ADAMTS2: variants seen among roughly 807,000 people sequenced by gnomAD.
ADAMTS2 encodes ADAM metallopeptidase with thrombospondin type 1 motif 2.
A neutral mutation model predicts 123.0 loss-of-function variants in ADAMTS2; 50 were observed. The ratio of observed to expected loss-of-function variants is 0.41; its 90% CI spans 0.32 to 0.51. The LOEUF (loss-of-function observed/expected upper bound fraction) is 0.51, where lower values mean the gene tolerates loss of function less well. Ranked by LOEUF, ADAMTS2 falls within the 20% of genes least tolerant of loss-of-function variation. The pLI is 0.35. For missense variants in ADAMTS2, 1,494 were observed against 1,705.2 expected (o/e 0.88, Z 2.18); for synonymous variants, 678 against 695.4 (o/e 0.98, Z 0.39).
chr5:179,292,211 G>C (rs961054158), intron 2 of ADAMTS2, among the ~76,000 whole-genome samples: 5 of 151,890 alleles, frequency 3.3e-5, no homozygotes, highest in Non-Finnish European at 7.4e-5. Context: ...GCGGAGTCAG[G>C]AGAAATGCCA....
chr5:179,243,753 T>C (rs916898310), intron 3 of ADAMTS2, among the ~76,000 whole-genome samples: 2 of 152,122 alleles, frequency 1.3e-5, no homozygotes, highest in Admixed American at 1.3e-4. Context: ...AAAGCAGCCA[T>C]TGGAAATATG....
chr5:179,285,061 G>C lies in ADAMTS2; in HGVS notation c.535-11997C>G, dbSNP rs138412810. On this transcript the variant is annotated intron_variant, in intron 2 of 21. Transcript: ENST00000251582. This position sits in a 1 kb window ranked among gnomAD's most constrained non-coding sequence, Gnocchi z 4.9. ...ATGTGAGGGCTAAGCGAGATACTGCGTCTCTAGCACTGGGCACAGCACGTG... is the reference window on the plus strand; with the variant it reads ...ATGTGAGGGCTAAGCGAGATACTGCCTCTCTAGCACTGGGCACAGCACGTG... 2.0e-5 allele frequency among the ~76,000 whole-genome samples: 3 copies of C among 152,096 alleles called. No individual in the cohort carries two copies.
intron 13 of ADAMTS2, among the ~76,000 whole-genome samples, chr5:179,134,717 A>G (rs1354013664): frequency 1.4e-5 from 2 of 147,692 alleles, no homozygotes; most frequent in African/African-American, 4.9e-5. Flanking sequence ...GCCCTCGAGC[A>G]CCCTCCCGGC....
intron 15 of ADAMTS2, among the ~76,000 whole-genome samples, chr5:179,131,456 G>C (rs1762960435): frequency 6.6e-6 from 1 of 152,142 alleles, no homozygotes. Context: ...GTGGGTGCTG[G>C]TCCACGGCAG....
chr5:179,186,656 A>G (rs530702800), intron 4 of ADAMTS2, among the ~76,000 whole-genome samples: 8 of 152,228 alleles, frequency 5.3e-5, no homozygotes, highest in African/African-American at 1.9e-4. Flanking sequence ...GTAAGGACAC[A>G]GCGGCAACAT....
At chr5:179,119,851 G>A (rs780777234) in intron 21 of ADAMTS2, among the ~76,000 whole-genome samples, 21 of 152,136 alleles carry the variant, frequency 1.4e-4, no homozygotes, top group African/African-American at 4.6e-4. Flanking sequence ...AACCCATCTC[G>A]GGCCCTTTTC....
At chr5:179,223,638 A>G (rs1036586211) in intron 3 of ADAMTS2, among the ~76,000 whole-genome samples, 11 of 85,210 alleles carry the variant, frequency 1.3e-4, no homozygotes, top group South Asian at 3.5e-4. Context: ...ACATGAATGC[A>G]CACACACATA....
At chr5:179,294,433 C>T (rs111849414) in intron 2 of ADAMTS2, among the ~76,000 whole-genome samples, 1,818 of 152,330 alleles carry the variant, frequency 0.012, 21 homozygotes, top group Middle Eastern at 0.031. Flanking sequence ...AAGCTCTGTC[C>T]AGGCTCCGAG....
intron 21 of ADAMTS2, among the ~76,000 whole-genome samples, chr5:179,116,503 G>A (rs748844585): frequency 5.3e-5 from 8 of 152,252 alleles, no homozygotes; most frequent in Admixed American, 1.3e-4. Flanking sequence ...TGCAGCACAC[G>A]GTCTCAGCAG....
At chr5:179,324,975 G>A (rs2113599580) in intron 2 of ADAMTS2, among the ~76,000 whole-genome samples, 1 of 152,304 alleles carries the variant, frequency 6.6e-6, no homozygotes. Context: ...GAGGCCCAAG[G>A]AGTCTCAGCT....
At chr5:179,339,532 C>T (rs1757709666) in intron 2 of ADAMTS2, among the ~76,000 whole-genome samples, 1 of 152,216 alleles carries the variant, frequency 6.6e-6, no homozygotes, top group Non-Finnish European at 1.5e-5. Flanking sequence ...GTCACTTAAA[C>T]TGAGCAAGTC....
At chr5:179,343,744 G>C in intron 2 of ADAMTS2, 23 bp downstream of exon 2, 1 of 1,605,908 alleles carries the variant, frequency 6.2e-7, no homozygotes, top group South Asian at 1.1e-5. Context: ...GGAGAGAAAG[G>C]AGCTAGAGAA....
intron 3 of ADAMTS2, among the ~76,000 whole-genome samples, chr5:179,247,597 C>T (rs1194387649): frequency 6.6e-6 from 1 of 152,036 alleles, no homozygotes; most frequent in Non-Finnish European, 1.5e-5. Flanking sequence ...TGTCAAAAGA[C>T]AAAGACAAAA....
At chr5:179,171,166 T>C (rs1054946471) in intron 5 of ADAMTS2, among the ~76,000 whole-genome samples, 4 of 152,196 alleles carry the variant, frequency 2.6e-5, no homozygotes, top group African/African-American at 9.7e-5. Context: ...TATTGGTCTG[T>C]GATGGGTTTG....
chr5:179,339,759 C>T (rs1031880490), intron 2 of ADAMTS2, among the ~76,000 whole-genome samples: 1 of 152,216 alleles, frequency 6.6e-6, no homozygotes, highest in Admixed American at 6.5e-5. Flanking sequence ...ACCCTACCAG[C>T]GGCAGCTGCA....
At chr5:179,322,489 C>T (rs1757213769) in intron 2 of ADAMTS2, among the ~76,000 whole-genome samples, 3 of 152,238 alleles carry the variant, frequency 2.0e-5, no homozygotes. Context: ...AGGACAAACC[C>T]TGAGCCACGC....
In ADAMTS2 at chr5:179,158,057, C is replaced by T. The variant is rs151085877; in HGVS notation, c.1132+666G>A. 0.022 allele frequency among the ~76,000 whole-genome samples: 3,380 copies of T among 151,954 alleles called. 66 individuals carry two copies. The highest frequency in any genetic ancestry group is 0.061 in the Middle Eastern group (18 of 294). ...TCGACTCATTGCAAACTCCGCCTCC[C>T]GGGTTCACACCATTCTCCTGCCTCA... On this transcript the variant is annotated intron_variant, in intron 6 of 21. Transcript: ENST00000251582. The surrounding 1 kb of genome is among the most constrained non-coding windows in gnomAD (Gnocchi z 5.0).
chr5:179,339,211 C>G (rs1427605344), intron 2 of ADAMTS2, among the ~76,000 whole-genome samples: 1 of 152,254 alleles, frequency 6.6e-6, no homozygotes, highest in African/African-American at 2.4e-5. Flanking sequence ...GCCCGCATCA[C>G]AGCCATGGGT....
intron 4 of ADAMTS2, among the ~76,000 whole-genome samples, chr5:179,196,103 G>C (rs1682081007): frequency 6.6e-6 from 1 of 152,186 alleles, no homozygotes; most frequent in Non-Finnish European, 1.5e-5. Flanking sequence ...CAGCACTCGT[G>C]AAAGTTGGTG....
Sources: allele counts gnomAD v4.1 joint callset (sites outside exome capture counted in the v4.1 genomes callset), GRCh38; gene constraint gnomAD v4.1.1; non-coding constraint Gnocchi (gnomAD v3.1); transcripts MANE v1.5; gene names NCBI Gene and HGNC (gene_info 2026-07-23, HGNC 2026-07-21).